Variants in DEPDC4 observed in about 807,000 individuals in gnomAD.
DEPDC4 encodes the protein DEP domain-containing protein 4.
In DEPDC4, 52 loss-of-function variants were observed where a neutral mutation model predicts 52.0. That is an observed-to-expected ratio of 1.00 (90% confidence interval 0.80 to 1.26). The LOEUF is 1.26. Among genes scored for constraint, DEPDC4 ranks in the 50% most tolerant of loss-of-function variants. The pLI, the probability that DEPDC4 is intolerant of heterozygous loss-of-function variation, is 0.00. For synonymous variants in DEPDC4, 201 were observed against 196.8 expected (o/e 1.02, Z -0.18); for missense variants, 530 against 546.9 (o/e 0.97, Z 0.31).
downstream of DEPDC4, among the ~76,000 whole-genome samples, chr12:100,236,166 T>C (rs187159204): frequency 1.3e-5 from 2 of 152,204 alleles, no homozygotes; most frequent in South Asian, 4.1e-4. Context: ...TGAGCAAGTA[T>C]CTTTTTGGTA....
chr12:100,267,495 C>T (rs1011261518), upstream of DEPDC4: 12 of 158,896 alleles, frequency 7.6e-5, no homozygotes, highest in African/African-American at 2.2e-4. Context: ...GACTCGCGCC[C>T]GGGTTAGGCC....
rs1278545173 is a variant in DEPDC4, at chr12:100,240,702, TAGAG to T, written c.*1186_*1189del. Among the ~76,000 whole-genome samples, 2 of 152,004 alleles carry T rather than the reference TAGAG, an allele frequency of 1.3e-5. No homozygotes were observed. The highest frequency in any genetic ancestry group is 4.8e-5 in the African/African-American group (2 of 41,378). On this transcript the variant is annotated 3_prime_UTR_variant, in exon 10 of 10. Transcript: ENST00000550587. ...CATAAAATATGGACTGAAGAAGAAT[TAGAG>T]AGAGAAATCACAGTTTTGATGTTTA... is the stretch of plus-strand genomic sequence containing the variant.
chr12:100,267,232 T>G, upstream of DEPDC4: 3 of 748,884 alleles, frequency 4.0e-6, no homozygotes, highest in Non-Finnish European at 4.2e-6. Context: ...CCCCACCCCT[T>G]TCCTTCTAGC....
At chr12:100,254,609 G>C (rs907514618) in intron 4 of DEPDC4, among the ~76,000 whole-genome samples, 2 of 152,074 alleles carry the variant, frequency 1.3e-5, no homozygotes, top group African/African-American at 4.8e-5. Context: ...TTATAGGTGT[G>C]GGCCCCTGTG....
intron 8 of DEPDC4, among the ~76,000 whole-genome samples, chr12:100,248,430 A>G (rs537867095): frequency 1.3e-5 from 2 of 152,334 alleles, no homozygotes; most frequent in South Asian, 2.1e-4. Context: ...ATAAGTTAAA[A>G]CATAAGATCA....
the DEPDC4 span, among the ~76,000 whole-genome samples, chr12:100,274,585 T>G: frequency 6.6e-6 from 1 of 152,304 alleles, no homozygotes; most frequent in Non-Finnish European, 1.5e-5. Flanking sequence ...TTAAGTGGCT[T>G]TCTCATAGAA....
In DEPDC4 at chr12:100,267,046, G is replaced by C. The variant is rs147456773; in HGVS notation, c.31C>G (p.Leu11Val). 6.2e-7 allele frequency: 1 copy of C among 1,613,852 alleles called. No homozygotes were observed. Among genetic ancestry groups the C allele is most frequent in the South Asian group, 1.1e-5 (1 of 90,996 alleles). MVPGEEPARE[L>V]MAVLLTPRFR... ...CTCGGAGTCAAAAGAACCGCCATAA[G>C]CTCGCGCGCTGGCTCCTCCCCTGGC... The change falls in exon 1 of 10, where the codon CTT (leucine) becomes GTT (valine). Residue 11 changes from leucine (L) to valine (V), a missense_variant. Coordinates refer to ENST00000550587, the MANE Select transcript of DEPDC4 (RefSeq NM_001364818.2).
At chr12:100,243,644 T>G (rs564787243) in intron 8 of DEPDC4, among the ~76,000 whole-genome samples, 1 of 152,192 alleles carries the variant, frequency 6.6e-6, no homozygotes, top group Admixed American at 6.5e-5. Context: ...CAGCATCTCT[T>G]TTTTTTCAAT....
At chr12:100,253,825 T>G (rs2096219545) in intron 4 of DEPDC4, 110 bp from the exon 5 acceptor site, 1 of 490,884 alleles carries the variant, frequency 2.0e-6, no homozygotes. Context: ...TAGATAAATC[T>G]AAAGAAGAAA....
chr12:100,274,363 C>T, the DEPDC4 span, among the ~76,000 whole-genome samples: 1 of 152,036 alleles, frequency 6.6e-6, no homozygotes, highest in East Asian at 1.9e-4. Context: ...TCTAAATTGT[C>T]GTATATTGTG....
intron 5 of DEPDC4, among the ~76,000 whole-genome samples, chr12:100,252,904 G>A (rs1290336718): frequency 4.6e-5 from 7 of 152,088 alleles, no homozygotes; most frequent in Non-Finnish European, 8.8e-5. Flanking sequence ...TTAAATCCTT[G>A]TACTATAACA....
intron 3 of DEPDC4, among the ~76,000 whole-genome samples, chr12:100,257,986 T>C (rs1256138539): frequency 1.1e-5 from 1 of 89,168 alleles, no homozygotes. Flanking sequence ...GATAGATAGA[T>C]AGATAGATAG....
chr12:100,235,872 C>A (rs577828810), downstream of DEPDC4, among the ~76,000 whole-genome samples: 242 of 152,282 alleles, frequency 1.6e-3, no homozygotes, highest in Non-Finnish European at 3.0e-3. Flanking sequence ...CCATGCCTGG[C>A]CCACTGTATC....
downstream of DEPDC4, among the ~76,000 whole-genome samples, chr12:100,238,458 C>A (rs961559268): frequency 2.7e-5 from 4 of 150,820 alleles, no homozygotes; most frequent in African/African-American, 7.3e-5. Context: ...CCACACCCAG[C>A]CTTTCTTTTT....
chr12:100,271,933 AG>A (rs1240708086), upstream of DEPDC4, among the ~76,000 whole-genome samples: 1 of 152,216 alleles, frequency 6.6e-6, no homozygotes, highest in African/African-American at 2.4e-5. Flanking sequence ...ATTCATGAGC[AG>A]GCAGGACTGA....
chr12:100,252,232 C>T lies in DEPDC4; in HGVS notation c.1318G>A (p.Val440Met), dbSNP rs11110317. 7.5e-7 allele frequency: 1 copy of T among 1,333,862 alleles called. No homozygotes were observed. Among genetic ancestry groups the T allele is most frequent in the Non-Finnish European group, 9.7e-7 (1 of 1,036,190 alleles). 82.6% of individuals were successfully genotyped at this position (1,333,862 alleles called of 1,614,324 possible). A position where few individuals can be genotyped will look rare whatever the true frequency, so the allele number is the denominator to read the frequency against. ...SVLQAKSLLK[V>M]RAEQLVWFPL... Reference sequence around the variant, plus strand: ...AACCAGACCAGTTGTTCTGCCCGCACTTTTAATAATGATTTGGCTTGCAAA... The same window carrying T: ...AACCAGACCAGTTGTTCTGCCCGCATTTTTAATAATGATTTGGCTTGCAAA... Residue 440 changes from valine (V) to methionine (M), a missense_variant, in exon 7 of 10, where the codon GTG becomes ATG. By Grantham distance (21) the Val-to-Met change is conservative. Transcript: ENST00000550587.
intron 1 of DEPDC4, among the ~76,000 whole-genome samples, chr12:100,264,535 C>T (rs575120293): frequency 2.0e-5 from 3 of 152,076 alleles, no homozygotes; most frequent in South Asian, 4.2e-4. Context: ...AAAAATTAGC[C>T]GAGCGTGGTG....
intron 7 of DEPDC4, among the ~76,000 whole-genome samples, chr12:100,249,920 C>A (rs1158184691): frequency 6.6e-6 from 1 of 152,146 alleles, no homozygotes; most frequent in African/African-American, 2.4e-5. Context: ...TACATATAAT[C>A]TCAGGTAGTG....
the DEPDC4 span, among the ~76,000 whole-genome samples, chr12:100,273,787 A>G: frequency 6.6e-6 from 1 of 152,152 alleles, no homozygotes; most frequent in Non-Finnish European, 1.5e-5. Context: ...TAGCATGTAC[A>G]TTCTTACCAC....
Sources: gnomAD v4.1 joint callset for allele counts (sites outside exome capture counted in the v4.1 genomes callset) on GRCh38, gnomAD v4.1.1 for gene constraint, MANE v1.5 for transcripts, NCBI Gene and HGNC (gene_info 2026-07-23, HGNC 2026-07-21) for gene names.